Variants in ENTREP2 observed in about 807,000 individuals in gnomAD.
ENTREP2 encodes endosomal transmembrane epsin interactor 2.
At chr15:29,454,679 G>T in the ENTREP2 span, among the ~76,000 whole-genome samples, 3 of 152,138 alleles carry the variant, frequency 2.0e-5, no homozygotes, top group Non-Finnish European at 4.4e-5. Context: ...GGTCCAGCCA[G>T]CAGGGGCCAG....
chr15:29,159,796 G>C, the ENTREP2 span, among the ~76,000 whole-genome samples: 1 of 152,178 alleles, frequency 6.6e-6, no homozygotes, highest in African/African-American at 2.4e-5. Flanking sequence ...GTGCCGACTG[G>C]TGTATTTATA....
chr15:29,157,920 G>A, the ENTREP2 span, among the ~76,000 whole-genome samples: 5 of 151,988 alleles, frequency 3.3e-5, no homozygotes, highest in African/African-American at 9.7e-5. Flanking sequence ...TAGTAGAGAC[G>A]GGGTTTCACC....
At chr15:29,607,841 C>CAGACAGACAGAT in the ENTREP2 span, among the ~76,000 whole-genome samples, 1 of 151,440 alleles carries the variant, frequency 6.6e-6, no homozygotes, top group African/African-American at 2.4e-5. Flanking sequence ...GACAGACAGA[C>CAGACAGACAGAT]AGATAGATAG....
the ENTREP2 span, among the ~76,000 whole-genome samples, chr15:29,650,779 C>T: frequency 1.3e-5 from 2 of 152,070 alleles, no homozygotes; most frequent in Non-Finnish European, 2.9e-5. Flanking sequence ...GCTTCTGAGG[C>T]AGGAGGATTG....
chr15:29,505,421 C>T, the ENTREP2 span, among the ~76,000 whole-genome samples: 1 of 152,236 alleles, frequency 6.6e-6, no homozygotes, highest in Non-Finnish European at 1.5e-5. This position sits in a 1 kb window ranked among gnomAD's most constrained non-coding sequence, Gnocchi z 4.3. Context: ...GACAGATTGC[C>T]TCCTCTAGTG....
the ENTREP2 span, among the ~76,000 whole-genome samples, chr15:29,461,113 G>A: frequency 1.3e-5 from 2 of 152,152 alleles, no homozygotes; most frequent in Non-Finnish European, 2.9e-5. Context: ...TTTCATGGAT[G>A]TTGGACATGC....
At chr15:29,501,452 C>G in the ENTREP2 span, among the ~76,000 whole-genome samples, 1 of 152,006 alleles carries the variant, frequency 6.6e-6, no homozygotes, top group Non-Finnish European at 1.5e-5. Context: ...AAGTATTTGA[C>G]AAATTCCAAC....
the ENTREP2 span, among the ~76,000 whole-genome samples, chr15:29,395,003 T>G: frequency 2.0e-5 from 3 of 149,606 alleles, no homozygotes; most frequent in Non-Finnish European, 4.4e-5. Context: ...TTCTCCTGCC[T>G]TAGCCTCCTG....
the ENTREP2 span, among the ~76,000 whole-genome samples, chr15:29,282,492 T>C: frequency 6.6e-6 from 1 of 152,190 alleles, no homozygotes; most frequent in African/African-American, 2.4e-5. Context: ...CCTCAGTGAG[T>C]GGTCCATTGT....
At chr15:29,530,650 G>A in the ENTREP2 span, among the ~76,000 whole-genome samples, 2 of 152,248 alleles carry the variant, frequency 1.3e-5, no homozygotes, top group African/African-American at 4.8e-5. Flanking sequence ...GTGGTGATGG[G>A]TGGAGGTGCA....
chr15:29,539,189 G>A, the ENTREP2 span, among the ~76,000 whole-genome samples: 270 of 1,430 alleles, frequency 0.19, 6 homozygotes, highest in African/African-American at 0.35. Context: ...GGGATCCTGA[G>A]TCTCCCAATC....
the ENTREP2 span, among the ~76,000 whole-genome samples, chr15:29,173,680 C>G: frequency 4.6e-5 from 7 of 152,074 alleles, no homozygotes; most frequent in African/African-American, 7.2e-5. Flanking sequence ...GGGCACCATT[C>G]ATCTTCTGAT....
At chr15:29,537,246 A>G in the ENTREP2 span, among the ~76,000 whole-genome samples, 13 of 152,162 alleles carry the variant, frequency 8.5e-5, no homozygotes, top group Non-Finnish European at 1.5e-4. Flanking sequence ...AAAGGAGCCA[A>G]TGCCCACTAG....
chr15:29,559,202 G>A, the ENTREP2 span, among the ~76,000 whole-genome samples: 3 of 152,062 alleles, frequency 2.0e-5, no homozygotes, highest in Non-Finnish European at 4.4e-5. Flanking sequence ...TCTTGTGATC[G>A]ATCCAGTTAC....
the ENTREP2 span, among the ~76,000 whole-genome samples, chr15:29,222,664 G>C: frequency 6.6e-6 from 1 of 152,116 alleles, no homozygotes; most frequent in Admixed American, 6.5e-5. Context: ...TGTGCTGTGA[G>C]AAGTGCAGAA....
chr15:29,556,755 T>C, the ENTREP2 span, among the ~76,000 whole-genome samples: 1 of 93,962 alleles, frequency 1.1e-5, no homozygotes, highest in Non-Finnish European at 2.0e-5. Flanking sequence ...TTCAGCCCCA[T>C]GCAGGTGCCC....
the ENTREP2 span, among the ~76,000 whole-genome samples, chr15:29,460,932 A>G: frequency 6.6e-6 from 1 of 152,208 alleles, no homozygotes; most frequent in African/African-American, 2.4e-5. Context: ...TCAGCTTTAC[A>G]GTTATCTTCT....
At chr15:29,158,212 G>A in the ENTREP2 span, among the ~76,000 whole-genome samples, 1 of 152,146 alleles carries the variant, frequency 6.6e-6, no homozygotes, top group African/African-American at 2.4e-5. Flanking sequence ...TCTGACCTCT[G>A]TTTGCATACG....
chr15:29,234,537 G>A, the ENTREP2 span: 1 of 1,375,302 alleles, frequency 7.3e-7, no homozygotes, highest in Non-Finnish European at 1.0e-6. Context: ...GGTATTGGTG[G>A]GCAAATAGCA....
Sources: allele counts gnomAD v4.1 joint callset (sites outside exome capture counted in the v4.1 genomes callset), GRCh38; gene constraint gnomAD v4.1.1; non-coding constraint Gnocchi (gnomAD v3.1); transcripts MANE v1.5; gene names NCBI Gene and HGNC (gene_info 2026-07-23, HGNC 2026-07-21).